The following TG variants were observed in gnomAD, a reference collection of about 807,000 sequenced individuals.
TG encodes thyroid hormones.
TG carries 270 observed loss-of-function variants against 324.7 expected under a neutral mutation model. The ratio of observed to expected loss-of-function variants is 0.83; its 90% confidence interval spans 0.75 to 0.92. TG has a LOEUF of 0.92. Ranked by LOEUF, TG falls within the 40% of genes least tolerant of loss-of-function variation. TG has a pLI of 0.00. For synonymous variants in TG, 1,401 were observed against 1,327.0 expected, an observed-to-expected ratio of 1.06 and a Z score of -1.21; for missense variants, 3,591 against 3,456.4, an observed-to-expected ratio of 1.04 and a Z score of -0.98.
rs191529936 is a variant in TG at position 132,931,061 on chromosome 8, T to G, written c.4816+1869T>G. On this transcript the variant is annotated intron_variant, in intron 23 of 47. Coordinates refer to ENST00000220616, the MANE Select transcript of TG (RefSeq NM_003235.5). ...ACTTAAACAACAAAATGGATTTTCT[T>G]GTAATTCTGGAGGCCAGAAGTCCAG... is the stretch of plus-strand genomic sequence containing the variant. 2.3e-3 allele frequency among the ~76,000 whole-genome samples: 349 copies of G among 152,320 alleles called. 1 individual carries two copies. The highest frequency in any genetic ancestry group is 8.1e-3 in the African/African-American group (335 of 41,574).
intron 45 of TG, among the ~76,000 whole-genome samples, chr8:133,127,604 C>T (rs572145043): frequency 3.9e-5 from 6 of 152,262 alleles, no homozygotes; most frequent in Non-Finnish European, 5.9e-5. Flanking sequence ...AAAACATGAC[C>T]GTCAATTCTT....
At chr8:133,017,743 C>G in intron 37 of TG, 35 bp from the exon 38 acceptor site, 1 of 1,599,292 alleles carries the variant, frequency 6.3e-7, no homozygotes, top group Non-Finnish European at 8.6e-7. Context: ...AGGCCTCTCC[C>G]CTTCCTCACC....
intron 10 of TG, among the ~76,000 whole-genome samples, chr8:132,891,398 G>T (rs567507637): frequency 6.6e-6 from 1 of 152,166 alleles, no homozygotes; most frequent in Non-Finnish European, 1.5e-5. Flanking sequence ...GCAGTGGCAT[G>T]ATCTCAGTTC....
intron 20 of TG, among the ~76,000 whole-genome samples, chr8:132,915,977 A>C (rs1231742622): frequency 1.3e-5 from 2 of 152,216 alleles, no homozygotes; most frequent in Non-Finnish European, 2.9e-5. Flanking sequence ...CCTGTCGCTC[A>C]CTGAGTTTTT....
At chr8:132,940,591 G>A (rs1192123849) in intron 25 of TG, among the ~76,000 whole-genome samples, 2 of 152,230 alleles carry the variant, frequency 1.3e-5, no homozygotes, top group African/African-American at 4.8e-5. Flanking sequence ...GAGCAAGGTA[G>A]CTTGATGGGG....
At chr8:133,053,975 A>G (rs1840895281) in intron 41 of TG, among the ~76,000 whole-genome samples, 1 of 152,124 alleles carries the variant, frequency 6.6e-6, no homozygotes, top group African/African-American at 2.4e-5. Context: ...CATTAGCCAA[A>G]CGGGACAAAG....
chr8:133,053,650 C>T (rs1276738738), intron 41 of TG, among the ~76,000 whole-genome samples: 1 of 152,048 alleles, frequency 6.6e-6, no homozygotes, highest in Non-Finnish European at 1.5e-5. Flanking sequence ...ATATCAAATT[C>T]AAGATTAAGA....
At chr8:133,131,997 CT>C in intron 46 of TG, 51 bp downstream of exon 46, 4 of 1,612,950 alleles carry the variant, frequency 2.5e-6, no homozygotes, top group Non-Finnish European at 3.4e-6. Context: ...TTTCCTCCCG[CT>C]TCCTTCAAGC....
At chr8:132,992,989 G>C (rs1302271219) in intron 35 of TG, among the ~76,000 whole-genome samples, 2 of 152,174 alleles carry the variant, frequency 1.3e-5, no homozygotes, top group African/African-American at 2.4e-5. Context: ...GCACCTGTGG[G>C]AGTCAGTGTT....
intron 8 of TG, among the ~76,000 whole-genome samples, chr8:132,885,852 G>A (rs2132153160): frequency 6.6e-6 from 1 of 152,294 alleles, no homozygotes; most frequent in South Asian, 2.1e-4. Flanking sequence ...CCTGGTTTCT[G>A]GTGGTTGCTG....
rs143950166 is a variant in TG at position 133,133,592 on chromosome 8, G to C, written c.8120G>C (p.Arg2707Pro). The change falls in exon 47 of 48, where the codon CGA becomes CCA. Residue 2707 changes from arginine (R) to proline (P), a missense_variant. Arg to Pro is a moderately radical substitution (Grantham distance 103). Coordinates refer to ENST00000220616, the MANE Select transcript of TG (RefSeq NM_003235.5). Reference sequence around the variant, plus strand: ...GAGTTCAGTGAGCTGCTCCCCAATCGACAGGGCCTGAAGAAAGCCGACTGC... The same window carrying C: ...GAGTTCAGTGAGCTGCTCCCCAATCCACAGGGCCTGAAGAAAGCCGACTGC... ...YKEFSELLPN[R>P]QGLKKADCSF... The C allele has an allele frequency of 6.2e-7, 1 of 1,614,074 alleles. No homozygotes were observed. The highest frequency in any genetic ancestry group is 8.5e-7 in the Non-Finnish European group (1 of 1,180,054).
chr8:133,109,783 G>A (rs1309405808), intron 43 of TG, among the ~76,000 whole-genome samples: 2 of 152,148 alleles, frequency 1.3e-5, no homozygotes, highest in East Asian at 3.9e-4. Context: ...TACTCCCTTT[G>A]CCGACATGAC....
chr8:132,923,275 G>A, intron 21 of TG, 63 bp from the exon 22 acceptor site: 2 of 1,579,466 alleles, frequency 1.3e-6, no homozygotes, highest in Admixed American at 1.7e-5. Flanking sequence ...GAGAGCCTGG[G>A]AGTAGGAGTC....
intron 41 of TG, among the ~76,000 whole-genome samples, chr8:133,030,509 G>A (rs1009378116): frequency 2.0e-5 from 3 of 152,134 alleles, no homozygotes; most frequent in South Asian, 2.1e-4. Context: ...AAATAACCTG[G>A]TTGGCCACTG....
Position 133,057,008 on chromosome 8 carries a change from G to A in TG, c.7239+26985G>A, listed in dbSNP as rs1048997847. On this transcript the variant is annotated intron_variant, in intron 41 of 47. Coordinates refer to ENST00000220616, the MANE Select transcript of TG (RefSeq NM_003235.5). ...TACTTCCCAGGGGATTCTGATGCAG[G>A]TGGTGCGAAGACCACTTACTGAGAA... Among the ~76,000 whole-genome samples the A allele has an allele frequency of 2.0e-5, 3 of 152,298 alleles. No homozygotes were observed. In the South Asian group the frequency reaches 6.2e-4, roughly 32 times the overall value.
intron 5 of TG, among the ~76,000 whole-genome samples, chr8:132,876,127 G>A (rs1205689737): frequency 6.6e-6 from 1 of 152,150 alleles, no homozygotes; most frequent in Non-Finnish European, 1.5e-5. Flanking sequence ...AATGGAATGG[G>A]TGAGGGGAGA....
intron 35 of TG, chr8:132,988,688 T>C (rs1831925249): frequency 2.9e-5 from 29 of 984,998 alleles, no homozygotes; most frequent in Non-Finnish European, 3.3e-5. Flanking sequence ...GTCAGACAAA[T>C]GTACATTGCA....
intron 41 of TG, among the ~76,000 whole-genome samples, chr8:133,078,522 G>A (rs1057265272): frequency 2.6e-5 from 4 of 152,070 alleles, no homozygotes; most frequent in African/African-American, 7.2e-5. Flanking sequence ...AAGAAGTCTC[G>A]AGTCCAAGAA....
intron 11 of TG, among the ~76,000 whole-genome samples, chr8:132,895,905 G>A (rs1019896723): frequency 1.3e-5 from 2 of 152,252 alleles, no homozygotes; most frequent in African/African-American, 2.4e-5. Context: ...TCCTCTCCAA[G>A]TAGCCACATG....
Sources: gnomAD v4.1 joint callset for allele counts (sites outside exome capture counted in the v4.1 genomes callset) on GRCh38, gnomAD v4.1.1 for gene constraint, MANE v1.5 for transcripts, NCBI Gene and HGNC (gene_info 2026-07-23, HGNC 2026-07-21) for gene names.